Variants in PCDH15 observed in about 807,000 individuals in gnomAD.
The protein encoded by PCDH15 is protocadherin-15.
PCDH15 carries 129 observed loss-of-function variants against 178.5 expected under a neutral mutation model. That is an observed-to-expected ratio of 0.72 (90% CI 0.63 to 0.84). The LOEUF is 0.84. Among genes scored for constraint, PCDH15 ranks in the 40% least tolerant of loss-of-function variants. The pLI, the probability that PCDH15 is intolerant of heterozygous loss-of-function variation, is 0.00. For missense variants in PCDH15, 2,230 were observed against 2,099.9 expected (o/e 1.06, Z -1.21); for synonymous variants, 800 against 732.0 (o/e 1.09, Z -1.50).
At chr10:54,293,707 A>C (rs1333525757) in intron 8 of PCDH15, among the ~76,000 whole-genome samples, 1 of 152,248 alleles carries the variant, frequency 6.6e-6, no homozygotes, top group Non-Finnish European at 1.5e-5. Flanking sequence ...GCCAACAGAC[A>C]CATGAAAAAA....
At chr10:54,743,259 A>C (rs10509018) in intron 1 of PCDH15, among the ~76,000 whole-genome samples, 5,454 of 152,186 alleles carry the variant, frequency 0.036, 342 homozygotes, top group African/African-American at 0.13. Context: ...CTTTTTATTC[A>C]GGCATTTGAG....
intron 2 of PCDH15, among the ~76,000 whole-genome samples, chr10:55,588,009 T>C (rs762705272): frequency 6.6e-6 from 1 of 152,198 alleles, no homozygotes; most frequent in Admixed American, 6.5e-5. Context: ...TATGGCCAGG[T>C]ATAACCTAGT....
chr10:55,582,617 TATATA>T (rs1390903633), intron 2 of PCDH15, among the ~76,000 whole-genome samples: 44 of 99,076 alleles, frequency 4.4e-4, no homozygotes, highest in African/African-American at 1.4e-3. Context: ...TATATATATA[TATATA>T]TATATATTTT....
intron 2 of PCDH15, among the ~76,000 whole-genome samples, chr10:55,509,231 T>C (rs1840827136): frequency 6.6e-6 from 1 of 151,760 alleles, no homozygotes; most frequent in Non-Finnish European, 1.5e-5. Flanking sequence ...GATTTTAGGA[T>C]ATAGTAAATA....
In PCDH15 at chr10:55,463,953, GAAAGAAAGAAAGAAAGAA is replaced by G. The variant is rs1839752544; in HGVS notation, c.-156+163654_-156+163671del. Among the ~76,000 whole-genome samples the G allele has an allele frequency of 6.8e-5, 2 of 29,548 alleles. 1 individual carries two copies. Among genetic ancestry groups the G allele is most frequent in the Non-Finnish European group, 9.8e-5 (2 of 20,322 alleles). The allele number at this position is 29,548 out of a possible 152,430, so 19.4% of individuals were successfully genotyped here. ...AGAAAGAAAGAAAGAAAGAAAGAAA[GAAAGAAAGAAAGAAAGAA>G]AGAGAAAGAAAGAAAGAAAGAGAAA... On this transcript the variant is annotated intron_variant, in intron 2 of 5. Coordinates refer to the PCDH15 transcript ENST00000613346.
At chr10:55,293,393 C>A (rs1843058200) in intron 1 of PCDH15, among the ~76,000 whole-genome samples, 1 of 152,220 alleles carries the variant, frequency 6.6e-6, no homozygotes, top group African/African-American at 2.4e-5. Flanking sequence ...TTCCCCATTT[C>A]TTGGGGATTA....
intron 2 of PCDH15, chr10:54,600,533 T>A: frequency 1.7e-6 from 1 of 575,800 alleles, no homozygotes; most frequent in African/African-American, 1.9e-5. Context: ...GAGAGGGAGA[T>A]GGTGCTACCA....
rs575971829 is a variant in PCDH15 at position 53,866,871 on chromosome 10, A to G, written c.3502-14T>C. The G allele has an allele frequency of 6.1e-5, 86 of 1,405,170 alleles. No individual in the cohort carries two copies. Among genetic ancestry groups the G allele is most frequent in the Non-Finnish European group, 7.4e-5 (77 of 1,035,038 alleles). 87.0% of individuals were successfully genotyped at this position (1,405,170 alleles called of 1,614,324 possible). Reference sequence around the variant, plus strand: ...TTTATCAGTAGCCTAGACGGAGGGGAAAAAAAAAGAGATTATAATTAAGCA... The same window carrying G: ...TTTATCAGTAGCCTAGACGGAGGGGGAAAAAAAAGAGATTATAATTAAGCA... On this transcript the variant is annotated splice_polypyrimidine_tract_variant and intron_variant, in intron 26 of 37. Transcript: ENST00000644397.
At chr10:55,184,348 C>T (rs561083991) in intron 1 of PCDH15, among the ~76,000 whole-genome samples, 41 of 151,976 alleles carry the variant, frequency 2.7e-4, no homozygotes, top group African/African-American at 8.9e-4. Flanking sequence ...CTACAAAGGA[C>T]TTGTCATTTA....
At chr10:55,519,796 C>T (rs1371922552) in intron 2 of PCDH15, among the ~76,000 whole-genome samples, 1 of 150,914 alleles carries the variant, frequency 6.6e-6, no homozygotes, top group Non-Finnish European at 1.5e-5. Context: ...CTCTCAAAAG[C>T]TTTTACTATA....
intron 3 of PCDH15, among the ~76,000 whole-genome samples, chr10:54,844,692 T>A (rs553648220): frequency 2.5e-4 from 38 of 152,094 alleles, no homozygotes; most frequent in Non-Finnish European, 5.2e-4. Flanking sequence ...GAAAACACTG[T>A]TAACACTAAG....
intron 2 of PCDH15, among the ~76,000 whole-genome samples, chr10:55,001,822 C>A (rs1839802337): frequency 6.6e-6 from 1 of 152,196 alleles, no homozygotes; most frequent in African/African-American, 2.4e-5. Flanking sequence ...AGGTTTCTGG[C>A]TGGAAAAGCA....
chr10:55,475,275 T>C (rs1254889618), intron 2 of PCDH15, among the ~76,000 whole-genome samples: 1 of 152,122 alleles, frequency 6.6e-6, no homozygotes, highest in African/African-American at 2.4e-5. Context: ...GGGGACCAAG[T>C]TTCCACACTA....
chr10:54,447,557 A>G (rs574043235), intron 3 of PCDH15, among the ~76,000 whole-genome samples: 1 of 151,804 alleles, frequency 6.6e-6, no homozygotes, highest in Non-Finnish European at 1.5e-5. Flanking sequence ...GTTGCACATG[A>G]CAGGATTTCT....
intron 2 of PCDH15, among the ~76,000 whole-genome samples, chr10:54,915,364 A>C (rs191060200): frequency 6.6e-6 from 1 of 152,206 alleles, no homozygotes; most frequent in Non-Finnish European, 1.5e-5. Context: ...AATATGCCTT[A>C]GAAAAAAATC....
chr10:55,374,152 CCTTA>C (rs1457413172), intron 2 of PCDH15, among the ~76,000 whole-genome samples: 2 of 151,480 alleles, frequency 1.3e-5, no homozygotes, highest in African/African-American at 4.9e-5. Flanking sequence ...TTTGATTCTT[CCTTA>C]CTAAGAGATA....
chr10:54,903,894 A>G (rs1390524016), intron 2 of PCDH15, among the ~76,000 whole-genome samples: 1 of 152,044 alleles, frequency 6.6e-6, no homozygotes, highest in Non-Finnish European at 1.5e-5. Context: ...CAACAATAAA[A>G]CTACAGGCTG....
intron 15 of PCDH15, among the ~76,000 whole-genome samples, chr10:54,099,363 G>C (rs2094761716): frequency 1.3e-5 from 2 of 151,608 alleles, no homozygotes; most frequent in Admixed American, 1.3e-4. Context: ...AGCTAGGCAT[G>C]GTGGTGGGCG....
rs539276886 is a variant in PCDH15, at chr10:54,169,324, T to A, written c.1590+14120A>T. Among the ~76,000 whole-genome samples the A allele has an allele frequency of 9.3e-5, 8 of 85,646 alleles. No homozygotes were observed. The East Asian group carries it at 1.6e-3, about 17-fold the overall frequency. 56.2% of individuals were successfully genotyped at this position (85,646 alleles called of 152,430 possible). ...GAAGGTAAGCCCGTCCCCTTCTTAA[T>A]CAATACGGAGGCTACCCACTCCACA... is the stretch of plus-strand genomic sequence containing the variant. On this transcript the variant is annotated intron_variant, in intron 13 of 37. Transcript: ENST00000644397.
Sources: gnomAD v4.1 joint callset for allele counts (sites outside exome capture counted in the v4.1 genomes callset) on GRCh38, gnomAD v4.1.1 for gene constraint, MANE v1.5 for transcripts, NCBI Gene and HGNC (gene_info 2026-07-23, HGNC 2026-07-21) for gene names.